Variants in LAMP3 observed in about 807,000 individuals in gnomAD.
LAMP3 encodes lysosome-associated membrane glycoprotein 3.
Under a neutral mutation model 34.8 loss-of-function variants are expected in LAMP3, and 26 were observed. The observed-to-expected ratio is 0.75, with a 90% CI of 0.55 to 1.04. The LOEUF is 1.04. Among genes scored for constraint, LAMP3 ranks in the 50% least tolerant of loss-of-function variants. The pLI, the probability that LAMP3 is intolerant of heterozygous loss-of-function variation, is 0.00. For missense variants in LAMP3, 495 were observed against 524.0 expected, an observed-to-expected ratio of 0.94 and a Z score of 0.54; for synonymous variants, 180 against 201.9, an observed-to-expected ratio of 0.89 and a Z score of 0.92.
In LAMP3 at chr3:183,140,577, T is replaced by C. The variant is rs781124741; in HGVS notation, c.907A>G (p.Ile303Val). ...TFTKDEESYY[I>V]SEVGAYLTVS... is the part of the protein sequence containing the mutation. ...GTCAAATAGGCTCCCACTTCACTGA[T>C]ATAATATGATTCTTCATCCTGTAAA... Residue 303 changes from isoleucine to valine, a missense_variant, in exon 4 of 6, where the codon ATC becomes GTC. By Grantham distance (29) the Ile-to-Val change is conservative. Transcript: ENST00000265598. 6.2e-7 allele frequency: 1 copy of C among 1,601,866 alleles called. No individual in the cohort carries two copies. Among genetic ancestry groups the C allele is most frequent in the South Asian group, 1.1e-5 (1 of 90,828 alleles).
At chr3:183,126,543 T>C (rs1409343447) in intron 5 of LAMP3, among the ~76,000 whole-genome samples, 1 of 151,474 alleles carries the variant, frequency 6.6e-6, no homozygotes. Context: ...AATGTGTGTG[T>C]GTGTGTGTGT....
Position 183,135,784 on chromosome 3 carries a change from G to C in LAMP3, c.1050C>G (p.His350Gln). ...GGACATCGGTTGTTTTCACCTGCAG[G>C]TGGGCTGACAACTGGAGGCTCTGTT... ...VSEQSLQLSA[H>Q]LQVKTTDVQL... The change falls in exon 5 of 6, where the codon CAC (histidine) becomes CAG (glutamine). Residue 350 changes from histidine to glutamine, a missense_variant. Physicochemically the swap from His to Gln is conservative, Grantham distance 24 (BLOSUM62 0). Transcript: ENST00000265598. 2.5e-6 allele frequency: 4 copies of C among 1,614,186 alleles called. No individual in the cohort carries two copies. Among genetic ancestry groups the C allele is most frequent in the Non-Finnish European group, 3.4e-6 (4 of 1,180,000 alleles).
intron 3 of LAMP3, among the ~76,000 whole-genome samples, chr3:183,146,441 T>C (rs1720441524): frequency 6.6e-6 from 1 of 152,062 alleles, no homozygotes; most frequent in Non-Finnish European, 1.5e-5. Context: ...ATACACCCAT[T>C]AGGGCAGAAG....
At chr3:183,142,249 A>T (rs1181439678) in intron 3 of LAMP3, among the ~76,000 whole-genome samples, 3 of 152,166 alleles carry the variant, frequency 2.0e-5, no homozygotes, top group African/African-American at 7.2e-5. Flanking sequence ...AAGGGCAAAG[A>T]GCGTCCATCG....
At chr3:183,135,557 G>A in intron 5 of LAMP3, among the ~76,000 whole-genome samples, 160 bp downstream of exon 5, 1 of 152,198 alleles carries the variant, frequency 6.6e-6, no homozygotes, top group East Asian at 1.9e-4. Flanking sequence ...TGATTCTGAG[G>A]TGGCCAGAGG....
At chr3:183,162,896 A>C, upstream of LAMP3, 1 of 495,794 alleles carries the variant, frequency 2.0e-6, no homozygotes. Flanking sequence ...GGGACCGTTT[A>C]CCGCACGCGC....
chr3:183,129,983 A>C (rs1474648576), intron 5 of LAMP3, among the ~76,000 whole-genome samples: 1 of 152,174 alleles, frequency 6.6e-6, no homozygotes, highest in Non-Finnish European at 1.5e-5. Flanking sequence ...ACGTGAAGAC[A>C]CAGGCCATCT....
At chr3:183,136,623 C>T (rs1166061216) in intron 4 of LAMP3, among the ~76,000 whole-genome samples, 1 of 134,094 alleles carries the variant, frequency 7.5e-6, no homozygotes, top group African/African-American at 2.6e-5. Context: ...TGCACTCCAG[C>T]CTGGGCAACA....
chr3:183,138,193 G>A (rs1333541498), intron 4 of LAMP3, among the ~76,000 whole-genome samples: 2 of 152,038 alleles, frequency 1.3e-5, no homozygotes, highest in Non-Finnish European at 2.9e-5. Context: ...GATAACATTA[G>A]CAAATTTATG....
chr3:183,132,684 G>A, intron 5 of LAMP3: 1 of 985,430 alleles, frequency 1.0e-6, no homozygotes, highest in Non-Finnish European at 1.2e-6. Context: ...CCCTTTGGTG[G>A]AAAGTTAGGT....
intron 3 of LAMP3, among the ~76,000 whole-genome samples, chr3:183,144,771 G>A (rs1043534218): frequency 6.6e-6 from 1 of 152,178 alleles, no homozygotes; most frequent in East Asian, 1.9e-4. Flanking sequence ...TGGGCATGGT[G>A]GCATGTACCT....
intron 5 of LAMP3, among the ~76,000 whole-genome samples, chr3:183,127,182 T>C (rs990299287): frequency 3.9e-5 from 6 of 152,118 alleles, no homozygotes; most frequent in Non-Finnish European, 5.9e-5. Context: ...TTGCCCAGGC[T>C]GGGGGGCAGT....
intron 3 of LAMP3, among the ~76,000 whole-genome samples, chr3:183,141,703 A>G (rs928603892): frequency 6.6e-6 from 1 of 152,212 alleles, no homozygotes; most frequent in South Asian, 2.1e-4. Flanking sequence ...TGTTTTAGTA[A>G]GGTCATTGAT....
At chr3:183,130,225 C>G (rs1719875759) in intron 5 of LAMP3, among the ~76,000 whole-genome samples, 1 of 128,552 alleles carries the variant, frequency 7.8e-6, no homozygotes. Flanking sequence ...GTGGTGCCAT[C>G]TTGGCTCACT....
At chr3:183,131,188 G>C (rs1245970016) in intron 5 of LAMP3, among the ~76,000 whole-genome samples, 1 of 152,196 alleles carries the variant, frequency 6.6e-6, no homozygotes, top group Non-Finnish European at 1.5e-5. Context: ...AGAAGGTAGG[G>C]AGGAAAATTA....
intron 1 of LAMP3, 59 bp from the exon 2 acceptor site, chr3:183,154,450 C>T (rs1720768436): frequency 1.6e-6 from 2 of 1,279,406 alleles, no homozygotes; most frequent in Admixed American, 2.3e-5. Context: ...AAGGTTCCCT[C>T]TCCCATCCCC....
chr3:183,129,985 AG>A (rs1167735629), intron 5 of LAMP3, among the ~76,000 whole-genome samples: 3 of 152,152 alleles, frequency 2.0e-5, no homozygotes, highest in Admixed American at 6.5e-5. Context: ...GTGAAGACAC[AG>A]GCCATCTACA....
At chr3:183,138,875 G>A (rs1176861205) in intron 4 of LAMP3, among the ~76,000 whole-genome samples, 1 of 152,010 alleles carries the variant, frequency 6.6e-6, no homozygotes, top group Non-Finnish European at 1.5e-5. Flanking sequence ...GCAGGTCCTT[G>A]AACACATTAG....
chr3:183,139,737 A>C (rs1233888555), intron 4 of LAMP3, among the ~76,000 whole-genome samples: 1 of 152,150 alleles, frequency 6.6e-6, no homozygotes, highest in Admixed American at 6.5e-5. Context: ...ACCGCGAATA[A>C]GGTCGGGGGG....
Sources: gnomAD v4.1 joint callset for allele counts (sites outside exome capture counted in the v4.1 genomes callset) on GRCh38, gnomAD v4.1.1 for gene constraint, MANE v1.5 for transcripts, NCBI Gene and HGNC (gene_info 2026-07-23, HGNC 2026-07-21) for gene names.